FAAH: variants seen among roughly 807,000 people sequenced by gnomAD.
FAAH encodes the protein fatty-acid amide hydrolase 1.
Under a neutral mutation model 69.7 loss-of-function variants are expected in FAAH, and 63 were observed. The observed-to-expected ratio is 0.90, with a 90% confidence interval of 0.74 to 1.12. The LOEUF (loss-of-function observed/expected upper bound fraction) is 1.12, where lower values mean the gene tolerates loss of function less well. Among genes scored for constraint, FAAH ranks in the 50% most tolerant of loss-of-function variants. The probability of loss-of-function intolerance (pLI) is 0.00; values close to 1 mark genes in which losing one functional copy is unlikely to be tolerated. For synonymous variants in FAAH, 305 were observed against 324.2 expected (o/e 0.94, Z 0.64); for missense variants, 680 against 755.0 (o/e 0.90, Z 1.16).
chr1:46,410,649 C>A lies in FAAH; in HGVS notation c.1275+152C>A. On this transcript the variant is annotated intron_variant, in intron 10 of 14. Coordinates refer to ENST00000243167, the MANE Select transcript of FAAH (RefSeq NM_001441.3). The surrounding 1 kb of genome is among the most constrained non-coding windows in gnomAD (Gnocchi z 4.9). ...AGTCCCCACCCAGACTGCTCTCCTC[C>A]TCTGTCCCCTGCGATCTTCAGCCAA... 1.8e-6 allele frequency: 2 copies of A among 1,102,566 alleles called. No individual in the cohort carries two copies. The highest frequency in any genetic ancestry group is 2.5e-5 in the South Asian group (2 of 79,750). The allele number at this position is 1,102,566 out of a possible 1,614,324, so 68.3% of individuals were successfully genotyped here. A position where few individuals can be genotyped will look rare whatever the true frequency, so the allele number is the denominator to read the frequency against.
intron 14 of FAAH, 104 bp downstream of exon 14, chr1:46,413,324 C>G (rs1557762805): frequency 1.2e-6 from 2 of 1,609,602 alleles, no homozygotes; most frequent in East Asian, 2.2e-5. Flanking sequence ...CTTTCTTAAG[C>G]AAGACCTGAA....
intron 1 of FAAH, among the ~76,000 whole-genome samples, 168 bp downstream of exon 1, chr1:46,394,711 A>G (rs1337990867): frequency 6.6e-6 from 1 of 152,226 alleles, no homozygotes; most frequent in East Asian, 1.9e-4. Flanking sequence ...AGCCAGGTAG[A>G]GCACGGGGGA....
Position 46,408,446 on chromosome 1 carries a change from G to T in FAAH, c.952-13G>T, listed in dbSNP as rs1341955143. 6.2e-7 allele frequency: 1 copy of T among 1,613,968 alleles called. No homozygotes were observed. Among genetic ancestry groups the T allele is most frequent in the Non-Finnish European group, 8.5e-7 (1 of 1,180,018 alleles). On this transcript the variant is annotated splice_polypyrimidine_tract_variant and intron_variant, in intron 7 of 14. Transcript: ENST00000243167. ...CTCCTGACCTGCCCCTGTCCCCTGT[G>T]TTTTCCCTCCAGGTCTACACCAGCT...
At position 46,394,360 on chromosome 1, in the gene FAAH, C is replaced by A. The variant is rs1442900810; in HGVS notation, c.12C>A (p.Tyr4Ter). The change falls in exon 1 of 15, where the codon TAC becomes TAA. Residue 4 changes from tyrosine to a stop codon, truncating the protein, a stop_gained. Coordinates refer to ENST00000243167, the MANE Select transcript of FAAH (RefSeq NM_001441.3). LOFTEE classifies it high-confidence loss of function. ...AGGCTGAAGGGATCATGGTGCAGTACGAGCTGTGGGCCGCGCTGCCTGGCG... is the reference window on the plus strand; with the variant it reads ...AGGCTGAAGGGATCATGGTGCAGTAAGAGCTGTGGGCCGCGCTGCCTGGCG... The part of the protein sequence containing the change: MVQ[Y>*]ELWAALPGAS... The A allele has an allele frequency of 3.2e-6, 5 of 1,554,794 alleles. No individual in the cohort carries two copies. The highest frequency in any genetic ancestry group is 4.3e-6 in the Non-Finnish European group (5 of 1,155,236).
At position 46,410,057 on chromosome 1, in the gene FAAH, C is replaced by T. The variant is rs918409822; in HGVS notation, c.1176-341C>T. 8.0e-5 allele frequency: 20 copies of T among 251,368 alleles called. No individual in the cohort carries two copies. 15.6% of individuals were successfully genotyped at this position (251,368 alleles called of 1,614,324 possible). A position where few individuals can be genotyped will look rare whatever the true frequency, so the allele number is the denominator to read the frequency against. On this transcript the variant is annotated intron_variant, in intron 9 of 14. Transcript: ENST00000243167. This position sits in a 1 kb window ranked among gnomAD's most constrained non-coding sequence, Gnocchi z 4.9. Reference sequence around the variant, plus strand: ...TTCATGGGCAGCCCACCCTCGATTTCCCCACCTGTGCCTCCAGGCTGTACC... The same window carrying T: ...TTCATGGGCAGCCCACCCTCGATTTTCCCACCTGTGCCTCCAGGCTGTACC...
At chr1:46,397,190 G>A (rs994816164) in intron 1 of FAAH, among the ~76,000 whole-genome samples, 30 of 152,232 alleles carry the variant, frequency 2.0e-4, no homozygotes, top group Non-Finnish European at 3.2e-4. Flanking sequence ...CAAGAGCAGC[G>A]TGGGCAGCAC....
At position 46,405,520 on chromosome 1, in the gene FAAH, T is replaced by TGGGGC. The variant is rs761912937; in HGVS notation, c.578+26_578+30dup. On this transcript the variant is annotated intron_variant, in intron 4 of 14. Transcript: ENST00000243167. The surrounding 1 kb of genome is among the most constrained non-coding windows in gnomAD (Gnocchi z 4.1). ...TCCATGTTCAGGTTGGGTCTTGGGG[T>TGGGGC]GGGGCGGGGCGGGGCAGGGGCACCG... is the stretch of plus-strand genomic sequence containing the variant. The TGGGGC allele has an allele frequency of 7.1e-4, 142 of 200,816 alleles. No homozygotes were observed. The highest frequency in any genetic ancestry group is 1.4e-3 in the Non-Finnish European group (134 of 97,700). 12.4% of individuals were successfully genotyped at this position (200,816 alleles called of 1,614,324 possible). A position where few individuals can be genotyped will look rare whatever the true frequency, so the allele number is the denominator to read the frequency against.
rs202121580 is a variant in FAAH, at chr1:46,405,322, T to C, written c.445-50T>C. On this transcript the variant is annotated intron_variant, in intron 3 of 14. Transcript: ENST00000243167. The surrounding 1 kb of genome is among the most constrained non-coding windows in gnomAD (Gnocchi z 4.1). ...ACAGTTGTTGGAGTGGACCCTTGGC[T>C]GCCCACGGGCCCTGACTCACTCCCT... The C allele has an allele frequency of 2.0e-4, 326 of 1,605,532 alleles. No individual in the cohort carries two copies. The highest frequency in any genetic ancestry group is 2.6e-4 in the Non-Finnish European group (307 of 1,179,884).
Position 46,394,511 on chromosome 1 carries a change from A to G in FAAH, c.163A>G (p.Met55Val), listed in dbSNP as rs1254110432. Residue 55 changes from methionine (M) to valine (V), a missense_variant, in exon 1 of 15, where the codon ATG becomes GTG. Physicochemically the swap from Met to Val is conservative, Grantham distance 21. Transcript: ENST00000243167. ...RQRQRAGLEN[M>V]DRAAQRFRLQ... ...GAGGCAGCGAGCGGGCCTGGAGAAC[A>G]TGGACAGGGCGGCGCAGCGCTTCCG... 2 of 1,392,758 alleles carry G rather than the reference A, an allele frequency of 1.4e-6. No homozygotes were observed. Among genetic ancestry groups the G allele is most frequent in the Non-Finnish European group, 1.9e-6 (2 of 1,079,948 alleles). The allele number at this position is 1,392,758 out of a possible 1,614,324, so 86.3% of individuals were successfully genotyped here. A position where few individuals can be genotyped will look rare whatever the true frequency, so the allele number is the denominator to read the frequency against.
chr1:46,412,033 C>A, intron 12 of FAAH, 110 bp from the exon 13 acceptor site: 1 of 930,818 alleles, frequency 1.1e-6, no homozygotes, highest in Non-Finnish European at 1.7e-6. Context: ...CTGTTCAGAT[C>A]CAGGGGCAGG....
chr1:46,404,015 G>A lies in FAAH; in HGVS notation c.310-999G>A, dbSNP rs1664748260. The stretch of plus-strand genomic sequence containing the variant: ...TTCTTGAAAGGGTGTGGGACAGTGA[G>A]TGTGACCCCTAGGCAGGTGAACTTG... On this transcript the variant is annotated intron_variant, in intron 2 of 14. Transcript: ENST00000243167. This position sits in a 1 kb window ranked among gnomAD's most constrained non-coding sequence, Gnocchi z 4.5. 6.6e-6 allele frequency among the ~76,000 whole-genome samples: 1 copy of A among 152,252 alleles called. No individual in the cohort carries two copies. Among genetic ancestry groups the A allele is most frequent in the African/African-American group, 2.4e-5 (1 of 41,474 alleles).
At chr1:46,402,677 TA>T (rs1180350268) in intron 2 of FAAH, among the ~76,000 whole-genome samples, 1 of 151,372 alleles carries the variant, frequency 6.6e-6, no homozygotes, top group African/African-American at 2.4e-5. Flanking sequence ...TACACCCGGC[TA>T]ATGAAAAGAA....
intron 2 of FAAH, among the ~76,000 whole-genome samples, chr1:46,402,844 T>C (rs7543877): frequency 6.6e-6 from 1 of 151,446 alleles, no homozygotes; most frequent in African/African-American, 2.4e-5. Flanking sequence ...AGGCACCTGC[T>C]AACACACCCA....
chr1:46,400,830 A>G (rs972435661), intron 1 of FAAH, among the ~76,000 whole-genome samples: 2 of 11,184 alleles, frequency 1.8e-4, no homozygotes, highest in Non-Finnish European at 1.5e-4. Context: ...GGAGGGTAAG[A>G]GGGGAGGGGA....
chr1:46,411,782 C>G lies in FAAH; in HGVS notation c.1356+131C>G, dbSNP rs1664920540. On this transcript the variant is annotated intron_variant, in intron 12 of 14. Coordinates refer to ENST00000243167, the MANE Select transcript of FAAH (RefSeq NM_001441.3). This position sits in a 1 kb window ranked among gnomAD's most constrained non-coding sequence, Gnocchi z 4.8. ...AGACTGGCCTGTCATCCCCCTTCCA[C>G]TCCCTGGACCACCACTTGGGCCCAG... is the stretch of plus-strand genomic sequence containing the variant. 1.0e-6 allele frequency: 1 copy of G among 991,496 alleles called. No homozygotes were observed. Among genetic ancestry groups the G allele is most frequent in the African/African-American group, 1.6e-5 (1 of 62,326 alleles). 61.4% of individuals were successfully genotyped at this position (991,496 alleles called of 1,614,324 possible). A position where few individuals can be genotyped will look rare whatever the true frequency, so the allele number is the denominator to read the frequency against.
rs200940903 is a variant in FAAH at position 46,409,098 on chromosome 1, C to A, written c.1078-3C>A. On this transcript the variant is annotated splice_region_variant and splice_polypyrimidine_tract_variant and intron_variant, in intron 8 of 14. Coordinates refer to ENST00000243167, the MANE Select transcript of FAAH (RefSeq NM_001441.3). Reference sequence around the variant, plus strand: ...GAGGCCTTACACCCCTCAATCCCTGCAGCTGGTTCCCTTCTTGCCAAGCAA... The same window carrying A: ...GAGGCCTTACACCCCTCAATCCCTGAAGCTGGTTCCCTTCTTGCCAAGCAA... The A allele has an allele frequency of 4.5e-5, 73 of 1,613,648 alleles. No individual in the cohort carries two copies. In the African/African-American group the frequency reaches 9.1e-4, roughly 20 times the overall value.
At chr1:46,401,353 T>C (rs1368848066) in intron 1 of FAAH, among the ~76,000 whole-genome samples, 3 of 152,086 alleles carry the variant, frequency 2.0e-5, no homozygotes, top group African/African-American at 7.2e-5. Flanking sequence ...CTTTAAGAAC[T>C]GGAACACTCA....
Position 46,413,097 on chromosome 1 carries a change from G to T in FAAH, c.1488G>T (p.Leu496=), listed in dbSNP as rs750768577. ...CAGGGGCCGTCAGCTACACTATGCT[G>T]TACAACTGCCTGGACTTCCCTGCAG... ...RATGAVSYTM[L]YNCLDFPAGV... Residue 496 remains leucine (L), a synonymous_variant, in exon 14 of 15, where the codon CTG becomes CTT. Transcript: ENST00000243167. 6.8e-6 allele frequency: 11 copies of T among 1,614,072 alleles called. No homozygotes were observed. The highest frequency in any genetic ancestry group is 8.5e-6 in the Non-Finnish European group (10 of 1,180,018).
chr1:46,406,389 A>G (rs1193563420), intron 7 of FAAH, 21 bp downstream of exon 7: 11 of 1,613,456 alleles, frequency 6.8e-6, no homozygotes, highest in Non-Finnish European at 8.5e-6. Flanking sequence ...CTGGGTGGGC[A>G]TGAATGTGGA....
Sources: allele counts gnomAD v4.1 joint callset (sites outside exome capture counted in the v4.1 genomes callset), GRCh38; gene constraint gnomAD v4.1.1; non-coding constraint Gnocchi (gnomAD v3.1); transcripts MANE v1.5; gene names NCBI Gene and HGNC (gene_info 2026-07-23, HGNC 2026-07-21).